Variants in CD96 observed in about 807,000 individuals in gnomAD.
The protein encoded by CD96 is T-cell surface protein tactile.
In CD96, 70 loss-of-function variants were observed where a neutral mutation model predicts 71.3. That is an observed-to-expected ratio of 0.98 (90% CI 0.81 to 1.20). The LOEUF (loss-of-function observed/expected upper bound fraction) is 1.20. CD96 is among the 50% of genes most tolerant of loss of function. CD96 has a pLI of 0.00. For synonymous variants in CD96, 248 were observed against 233.0 expected (o/e 1.06, Z -0.59); for missense variants, 742 against 677.5 (o/e 1.10, Z -1.06).
At chr3:111,657,195 A>G (rs987053975), downstream of CD96, among the ~76,000 whole-genome samples, 2 of 152,222 alleles carry the variant, frequency 1.3e-5, no homozygotes, top group African/African-American at 2.4e-5. Context: ...CAAGGTGGGC[A>G]GATCACGAAG....
At position 111,618,316 on chromosome 3, in the gene CD96, G is replaced by A. The variant is rs539664774; in HGVS notation, c.1181-5438G>A. Among the ~76,000 whole-genome samples the A allele has an allele frequency of 4.5e-4, 68 of 152,282 alleles. No individual in the cohort carries two copies. In the Middle Eastern group the frequency reaches 0.01, roughly 23 times the overall value. ...CTGGCTGGCAAAGCAAGACCTCAAG[G>A]ATCCCGTGACAATTTCACCTCTGTA... On this transcript the variant is annotated intron_variant, in intron 8 of 13. Transcript: ENST00000352690.
intron 10 of CD96, among the ~76,000 whole-genome samples, chr3:111,626,324 A>AG (rs1489451421): frequency 1.3e-5 from 2 of 151,478 alleles, no homozygotes; most frequent in Non-Finnish European, 2.9e-5. Context: ...AAAAAAAAAA[A>AG]AAAAGAAATG....
chr3:111,546,041 G>A (rs551189199), intron 2 of CD96, among the ~76,000 whole-genome samples: 1 of 152,138 alleles, frequency 6.6e-6, no homozygotes, highest in South Asian at 2.1e-4. Context: ...AAAATGAGGT[G>A]AAGATGGACA....
intron 2 of CD96, among the ~76,000 whole-genome samples, chr3:111,552,384 A>G (rs547072375): frequency 1.3e-5 from 2 of 152,248 alleles, no homozygotes; most frequent in Non-Finnish European, 2.9e-5. Flanking sequence ...AGGACAGGAC[A>G]CTGGGCTCTA....
intron 10 of CD96, among the ~76,000 whole-genome samples, chr3:111,630,057 G>A (rs1271128518): frequency 2.0e-5 from 3 of 152,054 alleles, no homozygotes; most frequent in Non-Finnish European, 4.4e-5. Flanking sequence ...ACATCAAAAA[G>A]CTAGAAAAAT....
downstream of CD96, among the ~76,000 whole-genome samples, chr3:111,654,938 CAT>C (rs1940192886): frequency 6.6e-6 from 1 of 152,238 alleles, no homozygotes; most frequent in Non-Finnish European, 1.5e-5. Context: ...TAGTGGACCT[CAT>C]ATCCTGAGAG....
downstream of CD96, among the ~76,000 whole-genome samples, chr3:111,654,835 A>G (rs1940190284): frequency 6.6e-6 from 1 of 152,266 alleles, no homozygotes; most frequent in African/African-American, 2.4e-5. Context: ...GCATTATGCC[A>G]TTCAACTATC....
chr3:111,546,435 G>A (rs913256091), intron 2 of CD96, among the ~76,000 whole-genome samples: 25 of 152,144 alleles, frequency 1.6e-4, no homozygotes, highest in African/African-American at 6.0e-4. Context: ...TTTAGAAGTG[G>A]GAATCCTAGA....
At chr3:111,632,786 G>A (rs1422523114) in intron 10 of CD96, among the ~76,000 whole-genome samples, 2 of 152,160 alleles carry the variant, frequency 1.3e-5, no homozygotes, top group Non-Finnish European at 2.9e-5. Context: ...ATACTATACA[G>A]TCATAAAAAG....
At chr3:111,569,832 A>G (rs1935893122) in intron 3 of CD96, among the ~76,000 whole-genome samples, 1 of 152,258 alleles carries the variant, frequency 6.6e-6, no homozygotes, top group South Asian at 2.1e-4. Context: ...GTAGTTTACA[A>G]AACAGTATCA....
At chr3:111,625,359 A>G (rs1269923401) in intron 10 of CD96, among the ~76,000 whole-genome samples, 1 of 152,186 alleles carries the variant, frequency 6.6e-6, no homozygotes, top group Non-Finnish European at 1.5e-5. Context: ...CTGTAATTTA[A>G]CATATTTCTT....
At chr3:111,658,612 G>A (rs564003560) in intron 14 of CD96, among the ~76,000 whole-genome samples, 2 of 152,328 alleles carry the variant, frequency 1.3e-5, no homozygotes, top group East Asian at 1.9e-4. Flanking sequence ...TAACTATGCA[G>A]TGGAGAAATT....
chr3:111,574,893 C>G (rs1936155289), intron 3 of CD96, among the ~76,000 whole-genome samples: 1 of 151,778 alleles, frequency 6.6e-6, no homozygotes, highest in African/African-American at 2.4e-5. Flanking sequence ...AGGTGATCCT[C>G]CCACCTCAGC....
At chr3:111,612,011 G>A (rs1435971066) in intron 8 of CD96, among the ~76,000 whole-genome samples, 1 of 152,196 alleles carries the variant, frequency 6.6e-6, no homozygotes, top group East Asian at 1.9e-4. Context: ...AGATGTAGTT[G>A]AAGGCCTGTA....
intron 2 of CD96, among the ~76,000 whole-genome samples, chr3:111,549,687 C>T (rs188569712): frequency 3.5e-4 from 53 of 151,890 alleles, no homozygotes; most frequent in African/African-American, 1.1e-3. Flanking sequence ...GGATTGCCTA[C>T]GTGAAGGAAG....
chr3:111,622,084 T>G (rs1455743993), intron 8 of CD96, among the ~76,000 whole-genome samples: 2 of 152,180 alleles, frequency 1.3e-5, no homozygotes, highest in Admixed American at 1.3e-4. Flanking sequence ...GAGAAGTTAT[T>G]ACCCTACCAC....
intron 8 of CD96, among the ~76,000 whole-genome samples, chr3:111,616,970 C>T (rs1479727810): frequency 3.3e-5 from 5 of 152,196 alleles, no homozygotes; most frequent in Non-Finnish European, 7.4e-5. Context: ...TCTTCCCACT[C>T]CCAGCACCTG....
intron 4 of CD96, among the ~76,000 whole-genome samples, chr3:111,582,443 A>G (rs1160732028): frequency 6.6e-6 from 1 of 152,240 alleles, no homozygotes; most frequent in Non-Finnish European, 1.5e-5. Flanking sequence ...CTTAAAATCT[A>G]GTAAAACAAC....
At chr3:111,613,979 A>G (rs1454730985) in intron 8 of CD96, among the ~76,000 whole-genome samples, 6 of 152,218 alleles carry the variant, frequency 3.9e-5, no homozygotes, top group Admixed American at 3.9e-4. Flanking sequence ...CAAATGAGAT[A>G]TATTGAATAA....
Sources: allele counts gnomAD v4.1 joint callset (sites outside exome capture counted in the v4.1 genomes callset), GRCh38; gene constraint gnomAD v4.1.1; transcripts MANE v1.5; gene names NCBI Gene and HGNC (gene_info 2026-07-23, HGNC 2026-07-21).